COP1: variants seen among roughly 807,000 people sequenced by gnomAD.
COP1 encodes COP1 E3 ubiquitin ligase, also known as E3 ubiquitin-protein ligase COP1.
A neutral mutation model predicts 101.3 loss-of-function variants in COP1; 24 were observed. The ratio of observed to expected loss-of-function variants is 0.24; its 90% CI spans 0.17 to 0.33. The LOEUF (loss-of-function observed/expected upper bound fraction) is 0.33, where lower values mean the gene tolerates loss of function less well. COP1 is among the 10% of genes least tolerant of loss of function. COP1 has a pLI of 1.00. For missense variants in COP1, 663 were observed against 906.2 expected (o/e 0.73, Z 3.45); for synonymous variants, 347 against 341.9 (o/e 1.01, Z -0.17).
chr1:176,057,422 T>C (rs1326753011), intron 11 of COP1, among the ~76,000 whole-genome samples: 1 of 152,188 alleles, frequency 6.6e-6, no homozygotes, highest in African/African-American at 2.4e-5. Flanking sequence ...CTCGGCTCAC[T>C]GCAACCCCCC....
At chr1:176,149,151 C>A in intron 5 of COP1, 77 bp from the exon 6 acceptor site, 1 of 755,624 alleles carries the variant, frequency 1.3e-6, no homozygotes, top group Admixed American at 3.1e-5. Context: ...ATAGCATAAA[C>A]AGTATGAAGC....
intron 15 of COP1, among the ~76,000 whole-genome samples, chr1:176,013,304 C>T (rs530935716): frequency 1.9e-4 from 29 of 151,912 alleles, no homozygotes; most frequent in Non-Finnish European, 3.4e-4. Flanking sequence ...AAAGAAAATA[C>T]GGTTCAGAAA....
At chr1:175,957,699 T>C (rs1418982699) in intron 18 of COP1, among the ~76,000 whole-genome samples, 2 of 152,252 alleles carry the variant, frequency 1.3e-5, no homozygotes, top group South Asian at 2.1e-4. Flanking sequence ...CCAAAAGAAA[T>C]GATGGTATAT....
chr1:176,116,126 C>T (rs1300729773), intron 9 of COP1, among the ~76,000 whole-genome samples: 1 of 152,080 alleles, frequency 6.6e-6, no homozygotes, highest in Non-Finnish European at 1.5e-5. Context: ...ACCTGTAATC[C>T]TACCACTGTG....
chr1:175,953,897 G>C (rs758385337), intron 18 of COP1, among the ~76,000 whole-genome samples: 41 of 151,944 alleles, frequency 2.7e-4, no homozygotes, highest in Middle Eastern at 6.3e-3. Context: ...ACTAAGTAGA[G>C]AGAAAATCAA....
At chr1:175,992,064 G>C (rs1557862723) in intron 15 of COP1, among the ~76,000 whole-genome samples, 3 of 152,140 alleles carry the variant, frequency 2.0e-5, no homozygotes, top group East Asian at 1.9e-4. Flanking sequence ...GTATGTGCTA[G>C]ACTTTTTGAA....
rs1303884412 is a variant in COP1, at chr1:176,152,262, C to T, written c.763-3188G>A. On this transcript the variant is annotated intron_variant, in intron 5 of 19. Transcript: ENST00000367669. ...GTGAAAAAGCGAGACCTTCTCTCTCCTAAAAAAAAAAAATTATACATAATA... is the reference window on the plus strand; with the variant it reads ...GTGAAAAAGCGAGACCTTCTCTCTCTTAAAAAAAAAAAATTATACATAATA... Among the ~76,000 whole-genome samples the T allele has an allele frequency of 2.0e-5, 3 of 149,370 alleles. No homozygotes were observed. In the East Asian group the frequency reaches 5.9e-4, roughly 29 times the overall value.
intron 11 of COP1, among the ~76,000 whole-genome samples, chr1:176,074,468 C>T (rs929364932): frequency 7.9e-5 from 12 of 151,814 alleles, no homozygotes; most frequent in Non-Finnish European, 1.8e-4. Context: ...CTTTAAAAAA[C>T]ATTAATTTGG....
chr1:176,088,869 C>T (rs932301683), intron 9 of COP1, among the ~76,000 whole-genome samples: 2 of 151,856 alleles, frequency 1.3e-5, no homozygotes, highest in Non-Finnish European at 2.9e-5. Context: ...GTGGTGCATG[C>T]CTGTAATCCC....
chr1:176,049,289 T>C (rs1195331243), intron 11 of COP1, among the ~76,000 whole-genome samples: 1 of 152,120 alleles, frequency 6.6e-6, no homozygotes, highest in Non-Finnish European at 1.5e-5. Flanking sequence ...TTTTTCTACA[T>C]GTTATTATTT....
In COP1 at chr1:176,027,482, AAAAG is replaced by A. The variant is rs535452061; in HGVS notation, c.1729+86_1729+89del. On this transcript the variant is annotated intron_variant, in intron 15 of 19. Coordinates refer to ENST00000367669, the MANE Select transcript of COP1 (RefSeq NM_022457.7). ...TAATAAAAACAACATTTAAACCTAC[AAAAG>A]AGTTATTTGTTTTAAAATGCTCTCC... 70 of 801,652 alleles carry A rather than the reference AAAAG, an allele frequency of 8.7e-5. No individual in the cohort carries two copies. In the African/African-American group the frequency reaches 1.1e-3, roughly 12 times the overall value. The allele number at this position is 801,652 out of a possible 1,614,324, so 49.7% of individuals were successfully genotyped here.
At chr1:176,081,664 C>T (rs533547082) in intron 10 of COP1, among the ~76,000 whole-genome samples, 1 of 151,942 alleles carries the variant, frequency 6.6e-6, no homozygotes, top group Admixed American at 6.6e-5. Context: ...TTTGAAGGAA[C>T]GTGTTTACTG....
chr1:176,199,627 C>T (rs903881976), intron 1 of COP1, among the ~76,000 whole-genome samples: 2 of 152,182 alleles, frequency 1.3e-5, no homozygotes, highest in African/African-American at 2.4e-5. Context: ...TCAACATCAT[C>T]AGTGTATTTC....
intron 15 of COP1, among the ~76,000 whole-genome samples, chr1:175,992,246 A>T (rs1396406907): frequency 2.6e-5 from 4 of 152,198 alleles, no homozygotes; most frequent in Admixed American, 6.5e-5. Flanking sequence ...GTTATTTAAA[A>T]ATGTACAATG....
At chr1:176,035,710 C>CAAAAAAAAAAAAAAAAAAAAAAAAACA (rs71129541) in intron 14 of COP1, among the ~76,000 whole-genome samples, 1 of 73,110 alleles carries the variant, frequency 1.4e-5, no homozygotes, top group African/African-American at 7.1e-5. Flanking sequence ...AAAACGAGAC[C>CAAAAAAAAAAAAAAAAAAAAAAAAACA]AAAAAAAAAA....
At chr1:176,136,904 T>C (rs1375668921) in intron 6 of COP1, among the ~76,000 whole-genome samples, 1 of 151,204 alleles carries the variant, frequency 6.6e-6, no homozygotes, top group East Asian at 1.9e-4. Flanking sequence ...AGCATGTCAG[T>C]TGTTAATCAC....
intron 1 of COP1, among the ~76,000 whole-genome samples, chr1:176,186,049 CATA>C (rs921847095): frequency 6.6e-6 from 1 of 151,856 alleles, no homozygotes; most frequent in Non-Finnish European, 1.5e-5. Context: ...ATGATAAATA[CATA>C]ATAATAAGAG....
chr1:175,999,395 A>G (rs1661059359), intron 15 of COP1, among the ~76,000 whole-genome samples: 1 of 151,968 alleles, frequency 6.6e-6, no homozygotes, highest in East Asian at 1.9e-4. Flanking sequence ...CACTTTACAT[A>G]ATGATCTCCA....
chr1:176,068,266 C>G (rs1676363629), intron 11 of COP1, among the ~76,000 whole-genome samples: 1 of 152,166 alleles, frequency 6.6e-6, no homozygotes, highest in African/African-American at 2.4e-5. Context: ...TTCCCTCCCT[C>G]CTTTCTTTTT....
Sources: allele counts gnomAD v4.1 joint callset (sites outside exome capture counted in the v4.1 genomes callset), GRCh38; gene constraint gnomAD v4.1.1; transcripts MANE v1.5; gene names NCBI Gene and HGNC (gene_info 2026-07-23, HGNC 2026-07-21).